SENP7: variants seen among roughly 807,000 people sequenced by gnomAD.
The protein encoded by SENP7 is SUMO specific peptidase 7.
In SENP7, 64 loss-of-function variants were observed where a neutral mutation model predicts 141.2. That is an observed-to-expected ratio of 0.45 (90% CI 0.37 to 0.56). SENP7 has a LOEUF of 0.56. SENP7 is among the 20% of genes least tolerant of loss of function. The probability of loss-of-function intolerance (pLI) is 0.00; values close to 1 mark genes in which losing one functional copy is unlikely to be tolerated. For synonymous variants in SENP7, 382 were observed against 426.4 expected (o/e 0.90, Z 1.28); for missense variants, 1,025 against 1,212.2 (o/e 0.85, Z 2.29).
intron 10 of SENP7, among the ~76,000 whole-genome samples, chr3:101,363,458 G>A (rs935343217): frequency 6.6e-6 from 1 of 152,068 alleles, no homozygotes; most frequent in African/African-American, 2.4e-5. Flanking sequence ...GATCTCCACA[G>A]TATTGGCTGC....
intron 6 of SENP7, among the ~76,000 whole-genome samples, chr3:101,389,192 G>C (rs573524849): frequency 6.6e-5 from 10 of 152,196 alleles, no homozygotes; most frequent in African/African-American, 2.2e-4. Context: ...AGCTAGAGTA[G>C]AGTGGTGCAA....
chr3:101,443,090 G>T (rs895615380), intron 4 of SENP7, among the ~76,000 whole-genome samples: 2 of 152,110 alleles, frequency 1.3e-5, no homozygotes, highest in Non-Finnish European at 2.9e-5. Context: ...TAGGTCAAAC[G>T]TTTAAGTCTT....
chr3:101,345,450 C>G (rs988079346), intron 13 of SENP7, among the ~76,000 whole-genome samples: 12 of 152,128 alleles, frequency 7.9e-5, no homozygotes, highest in African/African-American at 2.7e-4. Flanking sequence ...AGCTATATTC[C>G]TCCTTGGCTA....
intron 11 of SENP7, among the ~76,000 whole-genome samples, chr3:101,354,263 TG>T (rs1225775540): frequency 1.3e-5 from 2 of 152,072 alleles, no homozygotes; most frequent in African/African-American, 4.8e-5. Flanking sequence ...AAATAAAATT[TG>T]TTACCTTTTA....
intron 1 of SENP7, among the ~76,000 whole-genome samples, chr3:101,506,020 ATT>A (rs61021808): frequency 2.8e-5 from 4 of 141,190 alleles, no homozygotes; most frequent in African/African-American, 5.3e-5. Context: ...TTATTCCATA[ATT>A]TTTTTTTTTT....
chr3:101,361,982 A>G, intron 10 of SENP7, 121 bp from the exon 11 acceptor site: 1 of 1,037,278 alleles, frequency 9.6e-7, no homozygotes, highest in Admixed American at 3.6e-5. Flanking sequence ...AGAACTTTAT[A>G]CTGTTCTTAC....
chr3:101,431,504 C>T (rs940465887), intron 4 of SENP7, among the ~76,000 whole-genome samples: 15 of 143,452 alleles, frequency 1.0e-4, no homozygotes, highest in Non-Finnish European at 9.0e-5. Context: ...GATTGCAACC[C>T]CTGCTTTTTT....
intron 6 of SENP7, among the ~76,000 whole-genome samples, chr3:101,377,586 G>A (rs911498071): frequency 6.6e-6 from 1 of 152,144 alleles, no homozygotes; most frequent in Non-Finnish European, 1.5e-5. Context: ...GCAGAGGAAG[G>A]AAAACATTTT....
chr3:101,427,490 CAAAA>C lies in SENP7; in HGVS notation c.285-9704_285-9701del, dbSNP rs55677738. On this transcript the variant is annotated intron_variant, in intron 4 of 23. Transcript: ENST00000394095. ...GGGTGACAGAGCAAGACACTGTCTC[CAAAA>C]AAAAAAAAAAAAAAATTTGATTTAT... is the stretch of plus-strand genomic sequence containing the variant. Among the ~76,000 whole-genome samples the C allele has an allele frequency of 4.6e-4, 46 of 101,012 alleles. 1 individual carries two copies. Among genetic ancestry groups the C allele is most frequent in the African/African-American group, 1.0e-3 (25 of 24,342 alleles). 66.3% of individuals were successfully genotyped at this position (101,012 alleles called of 152,430 possible). A position where few individuals can be genotyped will look rare whatever the true frequency, so the allele number is the denominator to read the frequency against.
In SENP7 at chr3:101,493,893, G is replaced by T. The variant is rs112395484; in HGVS notation, c.166C>A (p.Arg56Ser). 2 of 1,603,712 alleles carry T rather than the reference G, an allele frequency of 1.2e-6. No individual in the cohort carries two copies. The highest frequency in any genetic ancestry group is 1.7e-6 in the Non-Finnish European group (2 of 1,172,148). Residue 56 changes from arginine to serine, a missense_variant, in exon 3 of 24, where the codon CGC (arginine) becomes AGC (serine). Arg to Ser is a moderately radical substitution (Grantham distance 110). This residue lies in a region of SENP7 where 496 missense variants were observed against 503.5 expected (regional missense o/e 0.99). Coordinates refer to ENST00000394095, the MANE Select transcript of SENP7 (RefSeq NM_020654.5). ...SPLSKFRSSE[R>S]WTLPLQWERS... ...ACCACCTGCAAAGGGAGAGTCCAGC[G>T]TTCTGAGCTTCTGAATTTGGACAGT...
intron 17 of SENP7, chr3:101,333,176 G>A (rs765380870): frequency 3.5e-6 from 1 of 282,384 alleles, no homozygotes; most frequent in Non-Finnish European, 6.5e-6. Context: ...AGCTCCATCT[G>A]GGCATGATAT....
chr3:101,412,351 G>C (rs2061479456), intron 5 of SENP7, among the ~76,000 whole-genome samples: 2 of 152,062 alleles, frequency 1.3e-5, no homozygotes, highest in African/African-American at 4.8e-5. Flanking sequence ...TTAAAGGTAT[G>C]TATAAAAAAT....
intron 3 of SENP7, among the ~76,000 whole-genome samples, chr3:101,482,168 C>T (rs1220713332): frequency 1.3e-5 from 2 of 151,790 alleles, no homozygotes; most frequent in Non-Finnish European, 2.9e-5. Context: ...AAAAAATTAG[C>T]CAGGTGTGGT....
chr3:101,399,020 G>A lies in SENP7; in HGVS notation c.518C>T (p.Thr173Met), dbSNP rs750438322. 1.1e-5 allele frequency: 17 copies of A among 1,612,074 alleles called. No homozygotes were observed. Among genetic ancestry groups the A allele is most frequent in the Middle Eastern group, 1.6e-4 (1 of 6,074 alleles). Residue 173 changes from threonine to methionine, a missense_variant, in exon 6 of 24, where the codon ACG becomes ATG. Transcript: ENST00000394095. ...PRVILTNVLG[T>M]ELGRKYIRTP... is the part of the protein sequence containing the mutation. Reference sequence around the variant, plus strand: ...CCTTATGTATTTTCTTCCTAACTCCGTTCCCAGGACATTCGTCAATATAAC... The same window carrying A: ...CCTTATGTATTTTCTTCCTAACTCCATTCCCAGGACATTCGTCAATATAAC...
intron 17 of SENP7, chr3:101,337,008 A>T (rs2317688): frequency 0.4 from 60,440 of 152,258 alleles, 12,524 homozygotes; most frequent in Admixed American, 0.54. Context: ...AGCATTGACA[A>T]AAAAAGAAAA....
At chr3:101,390,219 CAAAAAAAAAAAA>C (rs563281627) in intron 6 of SENP7, among the ~76,000 whole-genome samples, 2,063 of 73,892 alleles carry the variant, frequency 0.028, 36 homozygotes, top group Admixed American at 0.079. Context: ...GACTCTGTCT[CAAAAAAAAAAAA>C]AAAAAAAAAA....
At chr3:101,482,959 G>T (rs1165988479) in intron 3 of SENP7, among the ~76,000 whole-genome samples, 6 of 152,180 alleles carry the variant, frequency 3.9e-5, no homozygotes, top group African/African-American at 1.4e-4. Context: ...ACGAATGCTG[G>T]CAAGGCTGTA....
chr3:101,425,800 C>G (rs1197809802), intron 4 of SENP7, among the ~76,000 whole-genome samples: 1 of 152,104 alleles, frequency 6.6e-6, no homozygotes, highest in African/African-American at 2.4e-5. Flanking sequence ...ACAAAATAGC[C>G]AGTACACAAA....
chr3:101,511,231 C>T (rs2065844234), intron 1 of SENP7, among the ~76,000 whole-genome samples: 1 of 152,120 alleles, frequency 6.6e-6, no homozygotes, highest in Non-Finnish European at 1.5e-5. Flanking sequence ...TTATCAAAAT[C>T]CACTTCCCAC....
Sources: gnomAD v4.1 joint callset for allele counts (sites outside exome capture counted in the v4.1 genomes callset) on GRCh38, gnomAD v4.1.1 for gene constraint, gnomAD v4.1.1 regional missense constraint, MANE v1.5 for transcripts, NCBI Gene and HGNC (gene_info 2026-07-23, HGNC 2026-07-21) for gene names.